Variants in SMN1 observed in about 807,000 individuals in gnomAD.
The protein encoded by SMN1 is survival of motor neuron 1, telomeric, also known as survival motor neuron protein.
For missense variants in SMN1, 15 were observed against 17.1 expected (o/e 0.88, Z 0.22); for synonymous variants, 3 against 5.1 (o/e 0.58, Z 0.56).
downstream of SMN1, among the ~76,000 whole-genome samples, chr5:70,956,677 C>T (rs1332444520): frequency 2.0e-5 from 3 of 150,516 alleles, 1 homozygote. Context: ...TGGTCTATAT[C>T]TCTGTTTTGG....
At chr5:70,960,914 C>G in the SMN1 span, among the ~76,000 whole-genome samples, 1 of 144,700 alleles carries the variant, frequency 6.9e-6, no homozygotes, top group Non-Finnish European at 1.5e-5. Context: ...GTAGGCCAGT[C>G]TTGAACTCCT....
downstream of SMN1, among the ~76,000 whole-genome samples, chr5:70,956,490 TG>T (rs1240076647): frequency 9.2e-5 from 13 of 141,560 alleles, no homozygotes; most frequent in African/African-American, 3.3e-4. Flanking sequence ...AATTAATTTT[TG>T]TATAAGGTGT....
At chr5:70,952,028 C>G in intron 8 of SMN1, 34 bp downstream of exon 8, 2 of 1,609,570 alleles carry the variant, frequency 1.2e-6, no homozygotes, top group Non-Finnish European at 1.7e-6. Flanking sequence ...GTGAATCTTA[C>G]TTTTGTAAAA....
intron 5 of SMN1, among the ~76,000 whole-genome samples, chr5:70,944,195 T>G (rs1462720268): frequency 6.6e-6 from 1 of 151,804 alleles, no homozygotes; most frequent in Non-Finnish European, 1.5e-5. Flanking sequence ...TGATGTACCC[T>G]CTTAGGATAT....
At chr5:70,956,969 G>C (rs1749921838), downstream of SMN1, among the ~76,000 whole-genome samples, 1 of 88,358 alleles carries the variant, frequency 1.1e-5, no homozygotes, top group East Asian at 3.7e-4. Context: ...TCTTCCATTT[G>C]TTTGTATCCT....
chr5:70,960,111 A>C, the SMN1 span, among the ~76,000 whole-genome samples: 1 of 150,398 alleles, frequency 6.6e-6, no homozygotes, highest in Non-Finnish European at 1.5e-5. Context: ...ATATTTGTAC[A>C]TTTTTATTTT....
chr5:70,960,280 A>G, the SMN1 span, among the ~76,000 whole-genome samples: 32 of 147,672 alleles, frequency 2.2e-4, 2 homozygotes, highest in Admixed American at 5.5e-4. Context: ...TAGAATCTGT[A>G]TTTGTAAAGG....
the SMN1 span, among the ~76,000 whole-genome samples, chr5:70,959,502 A>G: frequency 8.9e-6 from 1 of 112,902 alleles, no homozygotes; most frequent in Admixed American, 1.0e-4. Context: ...GATGTGTACC[A>G]CGCTTAATGA....
intron 8 of SMN1, 146 bp downstream of exon 8, chr5:70,952,140 A>G: frequency 6.8e-7 from 1 of 1,476,536 alleles, no homozygotes; most frequent in East Asian, 2.4e-5. Flanking sequence ...AAGAATTTTG[A>G]TGCCAAAACT....
At chr5:70,944,139 GTT>G (rs1749490128) in intron 5 of SMN1, among the ~76,000 whole-genome samples, 2 of 151,200 alleles carry the variant, frequency 1.3e-5, no homozygotes, top group African/African-American at 4.8e-5. Flanking sequence ...CTGTGATAAT[GTT>G]CTTATTGAGG....
At chr5:70,950,169 A>G (rs1204633133) in intron 7 of SMN1, among the ~76,000 whole-genome samples, 1 of 148,512 alleles carries the variant, frequency 6.7e-6, no homozygotes, top group Non-Finnish European at 1.5e-5. Context: ...GGTAATCCCA[A>G]CACTTTGGGA....
chr5:70,952,645 TA>T lies in SMN1; in HGVS notation c.*211del. On this transcript the variant is annotated 3_prime_UTR_variant, in exon 9 of 9. Coordinates refer to ENST00000380707, the MANE Select transcript of SMN1 (RefSeq NM_000344.4). ...CAATGTGAAATATTTTACTGGACTC[TA>T]TTTTGAAAAACCATCTGTAAAAGAC... 2 of 367,812 alleles carry T rather than the reference TA, an allele frequency of 5.4e-6. No individual in the cohort carries two copies. Among genetic ancestry groups the T allele is most frequent in the African/African-American group, 9.3e-5 (2 of 21,596 alleles). 22.8% of individuals were successfully genotyped at this position (367,812 alleles called of 1,614,324 possible).
At chr5:70,957,417 A>G (rs1322554094), downstream of SMN1, among the ~76,000 whole-genome samples, 14 of 139,768 alleles carry the variant, frequency 1.0e-4, no homozygotes, top group South Asian at 3.2e-3. Flanking sequence ...GAATGCTTCC[A>G]GTTTTTGCCC....
At chr5:70,959,312 C>T in the SMN1 span, among the ~76,000 whole-genome samples, 2 of 149,878 alleles carry the variant, frequency 1.3e-5, no homozygotes, top group Non-Finnish European at 1.5e-5. Flanking sequence ...TGCTAAATGA[C>T]GAGTTAATGG....
At chr5:70,943,754 C>T (rs1326211669) in intron 5 of SMN1, among the ~76,000 whole-genome samples, 3 of 137,582 alleles carry the variant, frequency 2.2e-5, no homozygotes, top group African/African-American at 7.5e-5. Context: ...TTGTGTAAAG[C>T]GGTGATTTCT....
downstream of SMN1, among the ~76,000 whole-genome samples, chr5:70,954,789 G>T: frequency 2.2e-5 from 1 of 44,960 alleles, no homozygotes; most frequent in Non-Finnish European, 5.2e-5. Flanking sequence ...GGAGGTGGAG[G>T]TTGTGGTGAG....
chr5:70,958,884 G>A (rs1749961441), downstream of SMN1, among the ~76,000 whole-genome samples: 3 of 150,200 alleles, frequency 2.0e-5, no homozygotes, highest in South Asian at 6.4e-4. Context: ...AATACCATTT[G>A]ACCCAGCCAT....
chr5:70,950,405 G>A (rs1460074184), intron 7 of SMN1, among the ~76,000 whole-genome samples: 11 of 147,458 alleles, frequency 7.5e-5, no homozygotes, highest in South Asian at 6.4e-4. Flanking sequence ...CAACAAGAGC[G>A]AAACTCCGTC....
intron 5 of SMN1, among the ~76,000 whole-genome samples, chr5:70,943,694 T>C (rs1749459530): frequency 2.6e-5 from 3 of 117,430 alleles, no homozygotes; most frequent in Non-Finnish European, 3.8e-5. Flanking sequence ...ATTTTTATTA[T>C]AGGTTAGATT....
Sources: allele counts gnomAD v4.1 joint callset (sites outside exome capture counted in the v4.1 genomes callset), GRCh38; gene constraint gnomAD v4.1.1; transcripts MANE v1.5; gene names NCBI Gene and HGNC (gene_info 2026-07-23, HGNC 2026-07-21).